PTBP2: variants seen among roughly 807,000 people sequenced by gnomAD.
PTBP2 encodes the protein polypyrimidine tract binding protein 2.
Under a neutral mutation model 61.4 loss-of-function variants are expected in PTBP2, and 13 were observed. The observed-to-expected ratio is 0.21, with a 90% CI of 0.14 to 0.34. PTBP2 has a LOEUF of 0.34. PTBP2 is among the 10% of genes least tolerant of loss of function. The pLI is 1.00. For missense variants in PTBP2, 405 were observed against 642.6 expected (o/e 0.63, Z 4.00); for synonymous variants, 215 against 218.5 (o/e 0.98, Z 0.14).
At chr1:96,762,334 T>G in intron 3 of PTBP2, among the ~76,000 whole-genome samples, 1 of 146,538 alleles carries the variant, frequency 6.8e-6, no homozygotes. Context: ...CACTCCCCAG[T>G]AGGGGCAGCC....
intron 8 of PTBP2, among the ~76,000 whole-genome samples, chr1:96,791,845 T>G (rs1570963435): frequency 7.0e-6 from 1 of 142,984 alleles, no homozygotes; most frequent in African/African-American, 2.7e-5. Flanking sequence ...TTTTTTTTTT[T>G]TTTTGAGATA....
chr1:96,782,414 A>G (rs1315844813), intron 7 of PTBP2, among the ~76,000 whole-genome samples: 1 of 151,970 alleles, frequency 6.6e-6, no homozygotes, highest in Non-Finnish European at 1.5e-5. Context: ...TGAGAGACCT[A>G]ATGGAATTAT....
At chr1:96,806,719 T>C (rs1661525514) in intron 10 of PTBP2, 147 bp from the exon 11 acceptor site, 1 of 693,980 alleles carries the variant, frequency 1.4e-6, no homozygotes, top group East Asian at 2.7e-5. Flanking sequence ...AATCTTGATC[T>C]TCTTTATTCA....
chr1:96,802,594 C>T (rs979101558), intron 8 of PTBP2, among the ~76,000 whole-genome samples: 1 of 152,066 alleles, frequency 6.6e-6, no homozygotes, highest in Non-Finnish European at 1.5e-5. Context: ...TGGCAAAGAT[C>T]TAGTCCAAAT....
downstream of PTBP2, chr1:96,818,839 TC>T (rs1271300188): frequency 6.6e-6 from 1 of 152,072 alleles, no homozygotes; most frequent in Non-Finnish European, 1.5e-5. Context: ...GATAAACAGT[TC>T]TAGAGATCAA....
intron 2 of PTBP2, among the ~76,000 whole-genome samples, chr1:96,740,163 C>A (rs758191099): frequency 2.0e-5 from 3 of 152,112 alleles, no homozygotes; most frequent in Non-Finnish European, 2.9e-5. Context: ...TTTGAAGCCC[C>A]CTGTGTCATA....
downstream of PTBP2, chr1:96,815,326 A>T (rs2101292947): frequency 6.6e-6 from 1 of 152,076 alleles, no homozygotes; most frequent in Non-Finnish European, 1.5e-5. Flanking sequence ...CTACCTTGTG[A>T]GTTAACAAAA....
intron 5 of PTBP2, among the ~76,000 whole-genome samples, chr1:96,776,671 T>C (rs1480999616): frequency 2.0e-5 from 3 of 151,848 alleles, no homozygotes; most frequent in African/African-American, 7.2e-5. Flanking sequence ...CCTTTGTATG[T>C]TTTTTGACCA....
intron 8 of PTBP2, among the ~76,000 whole-genome samples, chr1:96,803,471 T>G (rs1490244497): frequency 6.6e-6 from 1 of 151,502 alleles, no homozygotes; most frequent in Non-Finnish European, 1.5e-5. Context: ...GAAAAGAAAC[T>G]CATCAAGAGC....
At chr1:96,748,430 T>C (rs557203553) in intron 2 of PTBP2, among the ~76,000 whole-genome samples, 1 of 139,272 alleles carries the variant, frequency 7.2e-6, no homozygotes, top group African/African-American at 2.5e-5. Flanking sequence ...GTACTTGCTT[T>C]TGCACATTTT....
At chr1:96,766,575 G>A (rs1235987680) in intron 3 of PTBP2, among the ~76,000 whole-genome samples, 4 of 152,018 alleles carry the variant, frequency 2.6e-5, no homozygotes, top group Non-Finnish European at 4.4e-5. Context: ...CGGTGTTGCT[G>A]GAGTGTGTTT....
intron 3 of PTBP2, among the ~76,000 whole-genome samples, chr1:96,755,737 A>G (rs1655077258): frequency 6.6e-6 from 1 of 152,226 alleles, no homozygotes; most frequent in African/African-American, 2.4e-5. Flanking sequence ...AGAAAAAAAG[A>G]CTACATCCTG....
At chr1:96,749,243 C>T (rs934854048) in intron 2 of PTBP2, among the ~76,000 whole-genome samples, 4 of 152,164 alleles carry the variant, frequency 2.6e-5, no homozygotes, top group African/African-American at 9.7e-5. Flanking sequence ...CACCTATCGT[C>T]TTCCAAAGTT....
Position 96,726,053 on chromosome 1 carries a change from C to T in PTBP2, c.39+2459C>T, listed in dbSNP as rs1254253608. Among the ~76,000 whole-genome samples, 10 of 109,198 alleles carry T rather than the reference C, an allele frequency of 9.2e-5. No homozygotes were observed. In the South Asian group the frequency reaches 1.0e-3, roughly 11 times the overall value. The allele number at this position is 109,198 out of a possible 152,430, so 71.6% of individuals were successfully genotyped here. Reference sequence around the variant, plus strand: ...TTGCACCACTGCACTCCAGCCTGGGCGACAGAGACAGACTCTATCTCAAAA... The same window carrying T: ...TTGCACCACTGCACTCCAGCCTGGGTGACAGAGACAGACTCTATCTCAAAA... On this transcript the variant is annotated intron_variant, in intron 2 of 13. Coordinates refer to ENST00000674951, the MANE Select transcript of PTBP2 (RefSeq NM_021190.4).
At chr1:96,741,438 T>C (rs1036264706) in intron 2 of PTBP2, among the ~76,000 whole-genome samples, 1 of 152,080 alleles carries the variant, frequency 6.6e-6, no homozygotes, top group African/African-American at 2.4e-5. Context: ...TTTTTCAATT[T>C]TTTTGTAGAG....
intron 3 of PTBP2, among the ~76,000 whole-genome samples, chr1:96,759,945 G>A (rs763015166): frequency 5.3e-5 from 8 of 152,192 alleles, no homozygotes; most frequent in Non-Finnish European, 1.0e-4. Context: ...ATCTTACGTA[G>A]ATGGCAACAG....
intron 2 of PTBP2, among the ~76,000 whole-genome samples, chr1:96,742,569 G>T (rs999466190): frequency 6.6e-6 from 1 of 151,306 alleles, no homozygotes; most frequent in Admixed American, 6.6e-5. Flanking sequence ...TTTGTTGGGG[G>T]CAGTGGAGGG....
chr1:96,749,185 G>A (rs1354541190), intron 2 of PTBP2, among the ~76,000 whole-genome samples: 2 of 143,242 alleles, frequency 1.4e-5, no homozygotes, highest in Non-Finnish European at 3.1e-5. Flanking sequence ...CACACCACAA[G>A]TCAGTATTAG....
chr1:96,771,586 A>T (rs1407178478), intron 5 of PTBP2: 1 of 151,984 alleles, frequency 6.6e-6, no homozygotes, highest in Non-Finnish European at 1.5e-5. Flanking sequence ...AAAAGATAGG[A>T]CTGAAATTTC....
Sources: allele counts gnomAD v4.1 joint callset (sites outside exome capture counted in the v4.1 genomes callset), GRCh38; gene constraint gnomAD v4.1.1; transcripts MANE v1.5; gene names NCBI Gene and HGNC (gene_info 2026-07-23, HGNC 2026-07-21).